The following ADGRG3 variants were observed in gnomAD, a reference collection of about 807,000 sequenced individuals.
ADGRG3 encodes the protein adhesion G protein-coupled receptor G3.
A neutral mutation model predicts 54.3 loss-of-function variants in ADGRG3; 39 were observed. That is an observed-to-expected ratio of 0.72 (90% CI 0.56 to 0.94). The LOEUF (loss-of-function observed/expected upper bound fraction) is 0.94. ADGRG3 is among the 40% of genes least tolerant of loss of function. The pLI, the probability that ADGRG3 is intolerant of heterozygous loss-of-function variation, is 0.00. For missense variants in ADGRG3, 654 were observed against 694.6 expected (o/e 0.94, Z 0.66); for synonymous variants, 312 against 290.0 (o/e 1.08, Z -0.77).
At chr16:57,674,803 G>A (rs565889922) in intron 2 of ADGRG3, among the ~76,000 whole-genome samples, 2 of 148,516 alleles carry the variant, frequency 1.3e-5, no homozygotes, top group African/African-American at 5.0e-5. Context: ...GGCCAACATG[G>A]TGAAACCCTG....
rs539754645 is a variant in ADGRG3 at position 57,673,150 on chromosome 16, A to G, written c.59-171A>G. On this transcript the variant is annotated intron_variant, in intron 1 of 11. Transcript: ENST00000333493. ...TGGGGTATTTGCTTTTACCTTGGAA[A>G]CAGCCCCAGAGAGGGTCTGCATCCT... Among the ~76,000 whole-genome samples the G allele has an allele frequency of 2.0e-5, 3 of 152,270 alleles. No homozygotes were observed. In the East Asian group the frequency reaches 5.8e-4, roughly 29 times the overall value.
At chr16:57,671,262 A>G (rs1485762196) in intron 1 of ADGRG3, among the ~76,000 whole-genome samples, 7 of 149,376 alleles carry the variant, frequency 4.7e-5, no homozygotes, top group Non-Finnish European at 8.9e-5. Context: ...TAGGTACACC[A>G]TTTTCTGGAG....
chr16:57,668,153 G>C (rs1298147175), upstream of ADGRG3: 1 of 591,144 alleles, frequency 1.7e-6, no homozygotes, highest in Non-Finnish European at 3.0e-6. Context: ...CGGTGAGACT[G>C]GGAGCACTGC....
At position 57,678,195 on chromosome 16, in the gene ADGRG3, A is replaced by T. The variant is rs568695182; in HGVS notation, c.371A>T (p.Glu124Val). 3 of 1,614,178 alleles carry T rather than the reference A, an allele frequency of 1.9e-6. No homozygotes were observed. In the South Asian group the frequency reaches 3.3e-5, roughly 18 times the overall value. ...SQVPRQVMKD[E>V]DKPPDRVRLP... ...GTTCCGAGGCAGGTGATGAAGGACG[A>T]GGACAAGCCCCCTGACAGAGTGCGA... The change falls in exon 4 of 12, where the codon GAG becomes GTG. Residue 124 changes from glutamate to valine, a missense_variant. By Grantham distance (121) the Glu-to-Val change is moderately radical. Coordinates refer to ENST00000333493, the MANE Select transcript of ADGRG3 (RefSeq NM_170776.5).
intron 8 of ADGRG3, chr16:57,682,448 T>C (rs2048391215): frequency 1.0e-6 from 1 of 980,198 alleles, no homozygotes; most frequent in Admixed American, 6.1e-5. Flanking sequence ...GACCAACCCA[T>C]GAGTGTAAAT....
intron 5 of ADGRG3, 21 bp from the exon 6 acceptor site, chr16:57,679,795 A>ACTTCCACT: frequency 6.2e-7 from 1 of 1,607,192 alleles, no homozygotes; most frequent in Non-Finnish European, 8.5e-7. Context: ...CTCTCTCCTG[A>ACTTCCACT]CTTCCACTCT....
rs2048460298 is a variant in ADGRG3, at chr16:57,685,679, C to T, written c.1293C>T (p.Leu431=). 6.2e-7 allele frequency: 1 copy of T among 1,614,110 alleles called. No individual in the cohort carries two copies. The highest frequency in any genetic ancestry group is 1.3e-5 in the African/African-American group (1 of 74,932). The change falls in exon 11 of 12, where the codon CTC becomes CTT. Residue 431 remains leucine, a synonymous_variant. Coordinates refer to ENST00000333493, the MANE Select transcript of ADGRG3 (RefSeq NM_170776.5). ...GTGAAGGGACAACCATGTACGCCCT[C>T]TATATCACCGTCCACGGCTACTTCC... The part of the protein sequence containing the change: ...WFREGTTMYA[L]YITVHGYFLI...
Position 57,688,606 on chromosome 16 carries a change from G to A in ADGRG3, c.*145G>A. The A allele has an allele frequency of 1.5e-6, 1 of 652,368 alleles. No homozygotes were observed. The highest frequency in any genetic ancestry group is 2.3e-5 in the Admixed American group (1 of 43,724). 40.4% of individuals were successfully genotyped at this position (652,368 alleles called of 1,614,324 possible). ...AGGATGGGACCAGGTTGGACCACGTGGCATCAGAGGTCCCATCCAGATCCA... is the reference window on the plus strand; with the variant it reads ...AGGATGGGACCAGGTTGGACCACGTAGCATCAGAGGTCCCATCCAGATCCA... On this transcript the variant is annotated 3_prime_UTR_variant, in exon 12 of 12. Coordinates refer to ENST00000333493, the MANE Select transcript of ADGRG3 (RefSeq NM_170776.5).
chr16:57,668,083 G>C (rs559908996), upstream of ADGRG3: 48 of 559,518 alleles, frequency 8.6e-5, 2 homozygotes, highest in South Asian at 1.0e-3. Context: ...CCCCAGTGGG[G>C]CCCCGGGGGC....
intron 5 of ADGRG3, among the ~76,000 whole-genome samples, 180 bp downstream of exon 5, chr16:57,679,491 C>T (rs1484268843): frequency 6.6e-6 from 1 of 152,106 alleles, no homozygotes; most frequent in African/African-American, 2.4e-5. Context: ...CATAGAGGTG[C>T]ACATGAGGAC....
Position 57,680,536 on chromosome 16 carries a change from T to A in ADGRG3, c.800T>A (p.Ile267Asn). 1 of 1,613,880 alleles carries A rather than the reference T, an allele frequency of 6.2e-7. No homozygotes were observed. The highest frequency in any genetic ancestry group is 1.1e-5 in the South Asian group (1 of 91,066). The change falls in exon 8 of 12, where the codon ATC (isoleucine) becomes AAC (asparagine). Residue 267 changes from isoleucine (I) to asparagine (N), a missense_variant. Transcript: ENST00000333493. ...RPTLDQSTVH[I>N]LTRISQAGCG... The stretch of plus-strand genomic sequence containing the variant: ...ACCTTGGACCAGTCCACGGTGCATA[T>A]CCTCACACGCATCTCCCAGGCGGGC...
chr16:57,681,395 G>A (rs550620882), intron 8 of ADGRG3, among the ~76,000 whole-genome samples: 219 of 151,180 alleles, frequency 1.4e-3, no homozygotes, highest in Non-Finnish European at 2.7e-3. Flanking sequence ...CGTGCGCGCA[G>A]GACATATCAT....
At chr16:57,668,144 G>A (rs770567799), upstream of ADGRG3, 51 of 584,560 alleles carry the variant, frequency 8.7e-5, no homozygotes, top group Middle Eastern at 1.4e-3. Flanking sequence ...CCCAGGGTGC[G>A]GTGAGACTGG....
At chr16:57,677,569 T>A (rs2048285924) in intron 3 of ADGRG3, among the ~76,000 whole-genome samples, 1 of 151,972 alleles carries the variant, frequency 6.6e-6, no homozygotes, top group Non-Finnish European at 1.5e-5. Context: ...GCAACAAGAA[T>A]GAGACTCCAT....
chr16:57,678,600 C>T (rs1051946011), intron 4 of ADGRG3: 73 of 494,340 alleles, frequency 1.5e-4, no homozygotes, highest in Non-Finnish European at 5.5e-5. Flanking sequence ...TCTGTGTGTC[C>T]TCGTGCATGC....
rs769877151 is a variant in ADGRG3 at position 57,680,533 on chromosome 16, A to C, written c.797A>C (p.His266Pro). ...LRPTLDQSTV[H>P]ILTRISQAGC... The stretch of plus-strand genomic sequence containing the variant: ...CCCACCTTGGACCAGTCCACGGTGC[A>C]TATCCTCACACGCATCTCCCAGGCG... Residue 266 changes from histidine (H) to proline (P), a missense_variant, in exon 8 of 12, where the codon CAT becomes CCT. Transcript: ENST00000333493. 1 of 1,613,486 alleles carries C rather than the reference A, an allele frequency of 6.2e-7. No homozygotes were observed.
At chr16:57,675,453 C>T (rs994297541) in intron 2 of ADGRG3, among the ~76,000 whole-genome samples, 37 of 152,162 alleles carry the variant, frequency 2.4e-4, no homozygotes, top group African/African-American at 8.4e-4. Flanking sequence ...GGTGAAACCC[C>T]ATGTTTCTCT....
At chr16:57,668,475 G>A in intron 1 of ADGRG3, 70 bp downstream of exon 1, 1 of 1,387,450 alleles carries the variant, frequency 7.2e-7, no homozygotes, top group Non-Finnish European at 9.9e-7. Flanking sequence ...GAGGGATCCA[G>A]GGACAGACGC....
At chr16:57,679,115 A>C in intron 4 of ADGRG3, 62 bp from the exon 5 acceptor site, 1 of 1,596,804 alleles carries the variant, frequency 6.3e-7, no homozygotes, top group Non-Finnish European at 8.5e-7. Flanking sequence ...TAGGAACCCC[A>C]GCGTTGGTGG....
Sources: allele counts gnomAD v4.1 joint callset (sites outside exome capture counted in the v4.1 genomes callset), GRCh38; gene constraint gnomAD v4.1.1; transcripts MANE v1.5; gene names NCBI Gene and HGNC (gene_info 2026-07-23, HGNC 2026-07-21).